C12orf42: variants seen among roughly 807,000 people sequenced by gnomAD.
The protein encoded by C12orf42 is chromosome 12 open reading frame 42.
A neutral mutation model predicts 21.6 loss-of-function variants in C12orf42; 25 were observed. That is an observed-to-expected ratio of 1.16 (90% CI 0.84 to 1.62). C12orf42 has a LOEUF of 1.62. Ranked by LOEUF, C12orf42 falls within the 40% of genes most tolerant of loss-of-function variation. C12orf42 has a pLI of 0.00. For synonymous variants in C12orf42, 174 were observed against 175.0 expected (o/e 0.99, Z 0.05); for missense variants, 483 against 459.3 (o/e 1.05, Z -0.47).
the C12orf42 span, among the ~76,000 whole-genome samples, chr12:103,506,941 T>TTATATATATTATATTTA: frequency 4.1e-4 from 2 of 4,820 alleles, no homozygotes; most frequent in Non-Finnish European, 5.2e-4. Flanking sequence ...TATATTATAT[T>TTATATATATTATATTTA]TATATATAAT....
the C12orf42 span, among the ~76,000 whole-genome samples, chr12:103,526,250 G>T: frequency 6.6e-6 from 1 of 151,898 alleles, no homozygotes; most frequent in Non-Finnish European, 1.5e-5. Context: ...TAATCTTCAG[G>T]CAAATAAAGC....
At chr12:103,175,816 C>T in the C12orf42 span, among the ~76,000 whole-genome samples, 14 of 152,020 alleles carry the variant, frequency 9.2e-5, no homozygotes, top group Admixed American at 9.2e-4. Flanking sequence ...CACCATGACC[C>T]AAACCAAGTG....
At chr12:103,470,209 C>G (rs1953482422) in intron 2 of C12orf42, among the ~76,000 whole-genome samples, 1 of 152,112 alleles carries the variant, frequency 6.6e-6, no homozygotes, top group South Asian at 2.1e-4. Flanking sequence ...AAGCTGTTTT[C>G]CTCACTAATT....
chr12:103,238,643 G>A (rs1470341247), intron 10 of C12orf42, among the ~76,000 whole-genome samples: 1 of 152,210 alleles, frequency 6.6e-6, no homozygotes, highest in African/African-American at 2.4e-5. Flanking sequence ...TGACTGCTGT[G>A]CTGCTTCCAG....
rs186361012 is a variant in C12orf42, at chr12:103,471,615, C to T, written c.78+6734G>A. Among the ~76,000 whole-genome samples the T allele has an allele frequency of 7.0e-3, 1,072 of 152,310 alleles. 35 individuals are homozygous for T. The highest frequency in any genetic ancestry group is 0.01 in the Middle Eastern group (3 of 294). On this transcript the variant is annotated intron_variant, in intron 2 of 5. Transcript: ENST00000548883. The stretch of plus-strand genomic sequence containing the variant: ...AAGGTAACACAGCCTCTAAATGGTA[C>T]AGCCAGGATTTGAACCCAGGGTCAA...
At chr12:103,186,874 A>G in the C12orf42 span, among the ~76,000 whole-genome samples, 1 of 152,144 alleles carries the variant, frequency 6.6e-6, no homozygotes, top group Non-Finnish European at 1.5e-5. Context: ...AAAGCCAAAG[A>G]GAGAAATGTA....
At chr12:103,513,668 T>G in the C12orf42 span, among the ~76,000 whole-genome samples, 3 of 152,332 alleles carry the variant, frequency 2.0e-5, no homozygotes, top group South Asian at 4.1e-4. Flanking sequence ...GAAAAAAAGT[T>G]AAGACTGAGA....
the C12orf42 span, among the ~76,000 whole-genome samples, chr12:103,143,755 G>A: frequency 6.6e-6 from 1 of 152,194 alleles, no homozygotes; most frequent in Non-Finnish European, 1.5e-5. Flanking sequence ...ACTGTTTGGG[G>A]AAATTTTACT....
the C12orf42 span, among the ~76,000 whole-genome samples, chr12:103,101,575 A>C: frequency 6.6e-6 from 1 of 152,208 alleles, no homozygotes; most frequent in Admixed American, 6.5e-5. Context: ...CTAAATCTCT[A>C]TCTAGAACAT....
intron 1 of C12orf42, among the ~76,000 whole-genome samples, chr12:103,481,914 T>A (rs1002117528): frequency 6.6e-6 from 1 of 151,994 alleles, no homozygotes; most frequent in Non-Finnish European, 1.5e-5. Context: ...TTTACCTTTA[T>A]AATAAAACAT....
the C12orf42 span, among the ~76,000 whole-genome samples, chr12:103,217,788 G>T: frequency 6.6e-6 from 1 of 152,052 alleles, no homozygotes; most frequent in Non-Finnish European, 1.5e-5. Flanking sequence ...TTTGCTCACA[G>T]CCTTTCCTTC....
chr12:103,462,095 G>GTTTTTTTTTTTTTTTTTTTT (rs1565867930), intron 2 of C12orf42, among the ~76,000 whole-genome samples: 6 of 31,482 alleles, frequency 1.9e-4, no homozygotes, highest in Non-Finnish European at 2.8e-4. Context: ...TTTTTTGCTT[G>GTTTTTTTTTTTTTTTTTTTT]GTTTTTTTTT....
At chr12:103,232,207 C>T in the C12orf42 span, among the ~76,000 whole-genome samples, 2 of 152,122 alleles carry the variant, frequency 1.3e-5, no homozygotes, top group Admixed American at 6.5e-5. Flanking sequence ...GATAACAGTC[C>T]TTTCTCAGAT....
intron 2 of C12orf42, among the ~76,000 whole-genome samples, chr12:103,476,056 T>C (rs1954025603): frequency 6.6e-6 from 1 of 151,996 alleles, no homozygotes; most frequent in African/African-American, 2.4e-5. Context: ...AAATACAGAG[T>C]GTGCATTTCC....
chr12:103,496,545 C>T (rs1029919172), upstream of C12orf42, among the ~76,000 whole-genome samples: 12 of 152,314 alleles, frequency 7.9e-5, no homozygotes, highest in African/African-American at 2.9e-4. Flanking sequence ...TTCTCATCTG[C>T]CTGAGGAGTC....
chr12:103,256,121 C>T (rs1277050159), intron 10 of C12orf42, among the ~76,000 whole-genome samples: 1,380 of 75,116 alleles, frequency 0.018, 21 homozygotes, highest in African/African-American at 0.063. Context: ...TACACACACA[C>T]ACACACACAC....
At chr12:103,213,199 A>G in the C12orf42 span, among the ~76,000 whole-genome samples, 4 of 152,154 alleles carry the variant, frequency 2.6e-5, no homozygotes, top group African/African-American at 4.8e-5. Flanking sequence ...TACTTTCCAT[A>G]AGAGATCTCA....
chr12:103,460,461 G>A (rs1336303856), intron 2 of C12orf42, among the ~76,000 whole-genome samples: 1 of 152,198 alleles, frequency 6.6e-6, no homozygotes, highest in Non-Finnish European at 1.5e-5. Flanking sequence ...AGGAGCAAGA[G>A]TAAATGGATT....
At chr12:103,461,655 T>C (rs538939240) in intron 2 of C12orf42, among the ~76,000 whole-genome samples, 9 of 152,326 alleles carry the variant, frequency 5.9e-5, no homozygotes, top group African/African-American at 1.7e-4. Flanking sequence ...CACTTCTGAA[T>C]TGATTAGCTG....
Sources: gnomAD v4.1 joint callset for allele counts (sites outside exome capture counted in the v4.1 genomes callset) on GRCh38, gnomAD v4.1.1 for gene constraint, MANE v1.5 for transcripts, NCBI Gene and HGNC (gene_info 2026-07-23, HGNC 2026-07-21) for gene names.